The following HDAC9 variants were observed in gnomAD, a reference collection of about 807,000 sequenced individuals.
HDAC9 encodes MEF-2 interacting transcription repressor (MITR) protein.
In HDAC9, 41 loss-of-function variants were observed where a neutral mutation model predicts 139.4. The observed-to-expected ratio is 0.29, with a 90% confidence interval of 0.23 to 0.38. HDAC9 has a LOEUF of 0.38. Ranked by LOEUF, HDAC9 falls within the 10% of genes least tolerant of loss-of-function variation. HDAC9 has a pLI of 1.00. For missense variants in HDAC9, 1,147 were observed against 1,297.0 expected, an observed-to-expected ratio of 0.88 and a Z score of 1.78; for synonymous variants, 517 against 476.2, an observed-to-expected ratio of 1.09 and a Z score of -1.12.
intron 16 of HDAC9, among the ~76,000 whole-genome samples, chr7:18,784,394 T>A (rs2129172760): frequency 6.6e-6 from 1 of 152,090 alleles, no homozygotes; most frequent in African/African-American, 2.4e-5. Context: ...ATTTTTTTTT[T>A]ACAACCTAGT....
Position 18,371,786 on chromosome 7 carries a change from T to C in HDAC9, c.-42+81271T>C, listed in dbSNP as rs146476425. On this transcript the variant is annotated intron_variant, in intron 1 of 3. Transcript: ENST00000413509. ...TTAAGGACATCAATTTCCACTGATA[T>C]GATGCTGTGGGCAAGAAAATGTATA... Among the ~76,000 whole-genome samples the C allele has an allele frequency of 3.0e-4, 46 of 152,312 alleles. No homozygotes were observed. The East Asian group carries it at 7.5e-3, about 25-fold the overall frequency.
At chr7:18,870,700 G>A (rs1206476764) in intron 21 of HDAC9, among the ~76,000 whole-genome samples, 3 of 152,134 alleles carry the variant, frequency 2.0e-5, no homozygotes, top group Non-Finnish European at 2.9e-5. Context: ...TTGAGACAGG[G>A]TCTTGCTCCG....
At chr7:18,387,062 G>C (rs1416986944) in intron 1 of HDAC9, among the ~76,000 whole-genome samples, 1 of 152,272 alleles carries the variant, frequency 6.6e-6, no homozygotes, top group East Asian at 1.9e-4. Flanking sequence ...GATAGATAAG[G>C]AATATGGAGC....
intron 2 of HDAC9, among the ~76,000 whole-genome samples, chr7:18,257,859 A>G (rs1795384701): frequency 6.6e-6 from 1 of 152,242 alleles, no homozygotes; most frequent in South Asian, 2.1e-4. Context: ...AAACTTTTAC[A>G]GAGGTCAAAA....
At chr7:18,868,793 C>A (rs183261539) in intron 21 of HDAC9, among the ~76,000 whole-genome samples, 1 of 152,172 alleles carries the variant, frequency 6.6e-6, no homozygotes, top group East Asian at 1.9e-4. Flanking sequence ...TCTACTCTTC[C>A]CACCCTTCTT....
At chr7:18,455,075 TA>T (rs770354830) in intron 1 of HDAC9, among the ~76,000 whole-genome samples, 17 of 152,212 alleles carry the variant, frequency 1.1e-4, no homozygotes, top group Non-Finnish European at 1.5e-4. Flanking sequence ...GAAAACTGAA[TA>T]TTTTTTTACT....
At chr7:18,302,710 T>C (rs1798621736) in intron 1 of HDAC9, among the ~76,000 whole-genome samples, 1 of 152,220 alleles carries the variant, frequency 6.6e-6, no homozygotes, top group African/African-American at 2.4e-5. Context: ...AATTGTATGA[T>C]GAAGTCATTC....
intron 17 of HDAC9, among the ~76,000 whole-genome samples, chr7:18,798,680 T>G (rs80231289): frequency 0.022 from 3,342 of 152,262 alleles, 120 homozygotes; most frequent in African/African-American, 0.075. Flanking sequence ...TTTCACACAG[T>G]GTGAAAGCCT....
intron 3 of HDAC9, among the ~76,000 whole-genome samples, chr7:18,587,461 G>A (rs1329055764): frequency 1.3e-5 from 2 of 152,018 alleles, no homozygotes; most frequent in African/African-American, 4.8e-5. Flanking sequence ...ATTTTGTTTT[G>A]TCTTGTATTT....
At chr7:18,884,597 A>C (rs1361511558) in intron 22 of HDAC9, among the ~76,000 whole-genome samples, 1 of 152,230 alleles carries the variant, frequency 6.6e-6, no homozygotes, top group Non-Finnish European at 1.5e-5. Context: ...ACATTAATAG[A>C]AGAAAACATA....
chr7:18,911,316 T>C (rs184651690), intron 22 of HDAC9, among the ~76,000 whole-genome samples: 73 of 151,916 alleles, frequency 4.8e-4, no homozygotes, highest in Middle Eastern at 3.4e-3. Flanking sequence ...TATAGTTGTA[T>C]AGTTGGTGTC....
chr7:18,436,427 TTTCA>T (rs1454755498), intron 1 of HDAC9, among the ~76,000 whole-genome samples: 1 of 152,198 alleles, frequency 6.6e-6, no homozygotes, highest in African/African-American at 2.4e-5. Flanking sequence ...GATTTCCCAA[TTTCA>T]TTCAGTTTTC....
chr7:18,650,392 T>C, intron 11 of HDAC9, among the ~76,000 whole-genome samples: 1 of 152,300 alleles, frequency 6.6e-6, no homozygotes, highest in South Asian at 2.1e-4. Flanking sequence ...TATTTTACTA[T>C]GGTAAAGTAG....
intron 12 of HDAC9, among the ~76,000 whole-genome samples, chr7:18,714,187 C>T (rs1478208329): frequency 1.3e-5 from 2 of 152,132 alleles, no homozygotes; most frequent in Non-Finnish European, 2.9e-5. Flanking sequence ...TTGTTTTTTT[C>T]TGAATCCTGT....
intron 23 of HDAC9, among the ~76,000 whole-genome samples, chr7:18,947,324 T>G (rs1365437857): frequency 6.6e-6 from 1 of 151,894 alleles, no homozygotes; most frequent in Non-Finnish European, 1.5e-5. Context: ...GTTGATTCTT[T>G]GAAATAAGTA....
At chr7:18,238,258 A>G (rs1018097329) in intron 2 of HDAC9, among the ~76,000 whole-genome samples, 1 of 152,208 alleles carries the variant, frequency 6.6e-6, no homozygotes, top group Non-Finnish European at 1.5e-5. Flanking sequence ...TATTTTATCA[A>G]TGACCAAAAC....
intron 5 of HDAC9, among the ~76,000 whole-genome samples, chr7:18,593,357 T>C (rs907825035): frequency 1.1e-4 from 16 of 152,094 alleles, no homozygotes; most frequent in African/African-American, 3.6e-4. Flanking sequence ...TTTAAAAAAA[T>C]TGGTTTCATA....
chr7:18,265,023 T>C (rs900315851), intron 2 of HDAC9, among the ~76,000 whole-genome samples: 2 of 152,156 alleles, frequency 1.3e-5, no homozygotes, highest in African/African-American at 4.8e-5. Flanking sequence ...CAGAAATGCT[T>C]GTGTTATGTC....
chr7:18,443,290 A>T (rs1205103256), intron 1 of HDAC9, among the ~76,000 whole-genome samples: 1 of 152,174 alleles, frequency 6.6e-6, no homozygotes, highest in Non-Finnish European at 1.5e-5. Context: ...TGGCAACATG[A>T]TTGGGGAAAA....
Sources: gnomAD v4.1 joint callset for allele counts (sites outside exome capture counted in the v4.1 genomes callset) on GRCh38, gnomAD v4.1.1 for gene constraint, MANE v1.5 for transcripts, NCBI Gene and HGNC (gene_info 2026-07-23, HGNC 2026-07-21) for gene names.